TMTC2: variants seen among roughly 807,000 people sequenced by gnomAD.
The protein encoded by TMTC2 is transmembrane O-mannosyltransferase targeting cadherins 2.
Under a neutral mutation model 82.4 loss-of-function variants are expected in TMTC2, and 43 were observed. That is an observed-to-expected ratio of 0.52 (90% confidence interval 0.41 to 0.67). TMTC2 has a LOEUF of 0.67. TMTC2 is among the 30% of genes least tolerant of loss of function. The pLI is 0.00. For synonymous variants in TMTC2, 408 were observed against 381.9 expected (o/e 1.07, Z -0.80); for missense variants, 919 against 1,012.4 (o/e 0.91, Z 1.25).
At chr12:83,040,229 C>T (rs1358950066) in intron 9 of TMTC2, among the ~76,000 whole-genome samples, 1 of 152,188 alleles carries the variant, frequency 6.6e-6, no homozygotes, top group African/African-American at 2.4e-5. Flanking sequence ...TCTGACACCC[C>T]AGCTCACAAT....
At chr12:82,720,860 C>T (rs1240008486) in intron 1 of TMTC2, among the ~76,000 whole-genome samples, 2 of 152,190 alleles carry the variant, frequency 1.3e-5, no homozygotes, top group Non-Finnish European at 2.9e-5. Context: ...AAGCAAAAAG[C>T]TCTAGATTTT....
At chr12:82,997,590 A>G (rs1254589189) in intron 8 of TMTC2, among the ~76,000 whole-genome samples, 3 of 150,558 alleles carry the variant, frequency 2.0e-5, no homozygotes, top group African/African-American at 7.3e-5. Flanking sequence ...GATTGCTTTT[A>G]AGTAAGAATA....
At chr12:82,932,340 G>GTAATT (rs1334322032) in intron 4 of TMTC2, among the ~76,000 whole-genome samples, 1 of 152,042 alleles carries the variant, frequency 6.6e-6, no homozygotes, top group African/African-American at 2.4e-5. Flanking sequence ...TTCACAGTGT[G>GTAATT]TAATTTTTTT....
intron 1 of TMTC2, among the ~76,000 whole-genome samples, chr12:82,820,318 A>G (rs1358267980): frequency 1.3e-5 from 2 of 151,948 alleles, no homozygotes; most frequent in Non-Finnish European, 1.5e-5. Flanking sequence ...TCAAGTTGAC[A>G]CTCAAATATT....
chr12:83,028,669 A>C (rs937195291), intron 8 of TMTC2, among the ~76,000 whole-genome samples: 1 of 151,932 alleles, frequency 6.6e-6, no homozygotes, highest in African/African-American at 2.4e-5. Flanking sequence ...AGTTGAAATA[A>C]TTTTCCAAGG....
At chr12:82,799,193 T>G (rs1878875045) in intron 1 of TMTC2, among the ~76,000 whole-genome samples, 1 of 152,104 alleles carries the variant, frequency 6.6e-6, no homozygotes, top group Admixed American at 6.6e-5. Context: ...TATTCAGTGT[T>G]GAAAAATGTA....
intron 11 of TMTC2, among the ~76,000 whole-genome samples, chr12:83,089,773 T>A: frequency 6.7e-6 from 1 of 150,070 alleles, no homozygotes; most frequent in Non-Finnish European, 1.5e-5. Flanking sequence ...GCCCTTTTTG[T>A]AGACAATGCT....
chr12:82,779,744 A>G (rs1006141555), intron 1 of TMTC2, among the ~76,000 whole-genome samples: 1 of 152,084 alleles, frequency 6.6e-6, no homozygotes, highest in African/African-American at 2.4e-5. Flanking sequence ...ACTAAAAACT[A>G]CAAAAATTAG....
intron 11 of TMTC2, among the ~76,000 whole-genome samples, chr12:83,084,579 A>G (rs960389521): frequency 6.6e-6 from 1 of 152,230 alleles, no homozygotes; most frequent in Non-Finnish European, 1.5e-5. Flanking sequence ...AAATTTTAGG[A>G]TACGAATAAT....
chr12:82,931,336 A>G (rs541861948), intron 4 of TMTC2, among the ~76,000 whole-genome samples: 12 of 152,186 alleles, frequency 7.9e-5, no homozygotes, highest in African/African-American at 2.9e-4. Context: ...TTTCCTTTTC[A>G]TAGGCACTGA....
intron 8 of TMTC2, among the ~76,000 whole-genome samples, chr12:82,997,352 ATATATATATATATGTG>A (rs1879686929): frequency 3.3e-4 from 7 of 21,456 alleles, no homozygotes; most frequent in African/African-American, 7.5e-4. Flanking sequence ...GTGTGTGTAT[ATATATATATATATGTG>A]TATATATATA....
chr12:82,751,136 C>T (rs1163450195), intron 1 of TMTC2, among the ~76,000 whole-genome samples: 6 of 151,950 alleles, frequency 3.9e-5, no homozygotes, highest in African/African-American at 1.5e-4. Flanking sequence ...TGGAACCAAC[C>T]CAAATGTCCA....
chr12:82,750,381 T>A (rs1875922898), intron 1 of TMTC2, among the ~76,000 whole-genome samples: 1 of 152,112 alleles, frequency 6.6e-6, no homozygotes, highest in African/African-American at 2.4e-5. Flanking sequence ...TCCTCATGTT[T>A]TTGAGAAGTG....
intron 1 of TMTC2, among the ~76,000 whole-genome samples, chr12:82,699,492 T>C (rs1234789261): frequency 1.3e-5 from 2 of 152,184 alleles, no homozygotes; most frequent in Non-Finnish European, 2.9e-5. Flanking sequence ...GTCTCTCTCT[T>C]CATTGACGAC....
intron 8 of TMTC2, among the ~76,000 whole-genome samples, chr12:83,020,856 A>G (rs1006387810): frequency 6.6e-6 from 1 of 152,188 alleles, no homozygotes. Flanking sequence ...TGAGTAAGCT[A>G]AACACCTTCA....
intron 4 of TMTC2, among the ~76,000 whole-genome samples, chr12:82,930,941 C>T (rs1184229302): frequency 6.6e-6 from 1 of 152,106 alleles, no homozygotes; most frequent in East Asian, 1.9e-4. Context: ...CAGTATCTCA[C>T]TCTGCGGCCT....
chr12:82,760,459 G>C (rs1306906867), intron 1 of TMTC2: 1 of 135,112 alleles, frequency 7.4e-6, no homozygotes, highest in East Asian at 2.3e-4. Flanking sequence ...CTTGCACTGT[G>C]CCCAGGGTTT....
At position 82,899,574 on chromosome 12, in the gene TMTC2, A is replaced by AAT. The variant is rs529528999; in HGVS notation, c.1483+2940_1483+2941dup. On this transcript the variant is annotated intron_variant, in intron 3 of 11. Coordinates refer to ENST00000321196, the MANE Select transcript of TMTC2 (RefSeq NM_152588.3). The stretch of plus-strand genomic sequence containing the variant: ...TATATAAGAATATATATATATGTGG[A>AAT]ATATATATATATAAGAATATATATA... 1.1e-3 allele frequency among the ~76,000 whole-genome samples: 138 copies of AAT among 126,142 alleles called. 1 individual carries two copies. Among genetic ancestry groups the AAT allele is most frequent in the Middle Eastern group, 3.8e-3 (1 of 260 alleles). The allele number at this position is 126,142 out of a possible 152,430, so 82.8% of individuals were successfully genotyped here. A position where few individuals can be genotyped will look rare whatever the true frequency, so the allele number is the denominator to read the frequency against.
intron 7 of TMTC2, among the ~76,000 whole-genome samples, chr12:82,980,893 A>C (rs1878886531): frequency 6.6e-6 from 1 of 151,866 alleles, no homozygotes; most frequent in African/African-American, 2.4e-5. Context: ...ACACAGATTA[A>C]ATCAAATTCA....
Sources: gnomAD v4.1 joint callset for allele counts (sites outside exome capture counted in the v4.1 genomes callset) on GRCh38, gnomAD v4.1.1 for gene constraint, MANE v1.5 for transcripts, NCBI Gene and HGNC (gene_info 2026-07-23, HGNC 2026-07-21) for gene names.